Variants in PIEZO2 observed in about 807,000 individuals in gnomAD.
PIEZO2 encodes the protein piezo-type mechanosensitive ion channel component 2.
PIEZO2 carries 172 observed loss-of-function variants against 337.3 expected under a neutral mutation model. The observed-to-expected ratio is 0.51, with a 90% CI of 0.45 to 0.58. PIEZO2 has a LOEUF of 0.58. Among genes scored for constraint, PIEZO2 ranks in the 20% least tolerant of loss-of-function variants. The pLI is 0.00. For synonymous variants in PIEZO2, 1,251 were observed against 1,228.5 expected (o/e 1.02, Z -0.38); for missense variants, 3,028 against 3,391.3 (o/e 0.89, Z 2.66).
intron 4 of PIEZO2, among the ~76,000 whole-genome samples, chr18:10,905,309 G>A (rs1390680903): frequency 2.0e-5 from 3 of 152,274 alleles, no homozygotes; most frequent in Non-Finnish European, 2.9e-5. Context: ...TTGGCCAGGC[G>A]TGGTGGTTCA....
intron 1 of PIEZO2, among the ~76,000 whole-genome samples, chr18:11,095,834 T>G (rs1415144885): frequency 6.6e-6 from 1 of 152,132 alleles, no homozygotes; most frequent in African/African-American, 2.4e-5. Flanking sequence ...AATGAATCAG[T>G]TTCCCCTTCC....
intron 52 of PIEZO2, 29 bp downstream of exon 52, chr18:10,680,170 T>C: frequency 1.3e-6 from 2 of 1,573,302 alleles, no homozygotes; most frequent in Non-Finnish European, 1.7e-6. Context: ...GGGAAAGGGA[T>C]AAATTATACA....
rs780302106 is a variant in PIEZO2 at position 10,748,158 on chromosome 18, T to C, written c.4424+313A>G. On this transcript the variant is annotated intron_variant, in intron 30 of 55. Transcript: ENST00000674853. The surrounding 1 kb of genome is among the most constrained non-coding windows in gnomAD (Gnocchi z 5.1). ...AACTCCAGACCAACGTGGCATATGT[T>C]GCTGTTTTGTCTGAGACCAGACTGA... 6.6e-6 allele frequency among the ~76,000 whole-genome samples: 1 copy of C among 152,146 alleles called. No homozygotes were observed. The highest frequency in any genetic ancestry group is 2.4e-5 in the African/African-American group (1 of 41,432).
chr18:10,906,331 C>CA (rs772507448), intron 4 of PIEZO2, among the ~76,000 whole-genome samples: 25 of 151,994 alleles, frequency 1.6e-4, no homozygotes, highest in Non-Finnish European at 3.4e-4. Flanking sequence ...CTGAGAATAT[C>CA]GTCTTTGCTT....
intron 1 of PIEZO2, among the ~76,000 whole-genome samples, chr18:11,098,854 T>C (rs944746876): frequency 2.6e-5 from 4 of 152,212 alleles, no homozygotes; most frequent in African/African-American, 7.2e-5. Flanking sequence ...CTGCAGTGCA[T>C]TGGTGCGATC....
At chr18:10,741,687 T>C (rs976092521) in intron 32 of PIEZO2, among the ~76,000 whole-genome samples, 1 of 152,184 alleles carries the variant, frequency 6.6e-6, no homozygotes, top group Non-Finnish European at 1.5e-5. Context: ...TTAGATATAA[T>C]CAATATATAT....
At chr18:11,133,207 A>G (rs148711007) in intron 1 of PIEZO2, among the ~76,000 whole-genome samples, 1 of 152,298 alleles carries the variant, frequency 6.6e-6, no homozygotes, top group African/African-American at 2.4e-5. Context: ...ATCATGTGAC[A>G]TAAGATTTAC....
At chr18:10,841,529 G>A (rs189281676) in intron 7 of PIEZO2, among the ~76,000 whole-genome samples, 34 of 152,324 alleles carry the variant, frequency 2.2e-4, no homozygotes, top group African/African-American at 7.7e-4. Context: ...CCAGAAGGCA[G>A]TGAGTTGATT....
intron 3 of PIEZO2, among the ~76,000 whole-genome samples, chr18:10,975,731 G>A (rs1284310512): frequency 1.3e-5 from 2 of 152,174 alleles, no homozygotes; most frequent in Admixed American, 6.5e-5. Context: ...TAATGAGGGT[G>A]AGGGTATGCA....
At chr18:10,901,135 T>C (rs565076543) in intron 4 of PIEZO2, among the ~76,000 whole-genome samples, 11 of 152,324 alleles carry the variant, frequency 7.2e-5, no homozygotes, top group African/African-American at 2.6e-4. Context: ...TGCCGAAGGA[T>C]GGTGGTGGGC....
intron 1 of PIEZO2, among the ~76,000 whole-genome samples, chr18:11,095,440 G>A (rs1246224173): frequency 2.6e-5 from 4 of 152,164 alleles, no homozygotes; most frequent in Non-Finnish European, 5.9e-5. Context: ...CATTTGCAAC[G>A]TGAAGCGAGT....
At chr18:10,734,829 C>A (rs2036934109) in intron 35 of PIEZO2, among the ~76,000 whole-genome samples, 2 of 152,108 alleles carry the variant, frequency 1.3e-5, no homozygotes, top group Non-Finnish European at 2.9e-5. Flanking sequence ...TAAAAGACAT[C>A]TTTTATTAGC....
chr18:10,821,844 G>T lies in PIEZO2; in HGVS notation c.918-14570C>A, dbSNP rs1031074907. 6.6e-6 allele frequency among the ~76,000 whole-genome samples: 1 copy of T among 152,120 alleles called. No individual in the cohort carries two copies. Among genetic ancestry groups the T allele is most frequent in the African/African-American group, 2.4e-5 (1 of 41,418 alleles). ...GCAGAGAATCTCAGGAAAACTCCTT[G>T]TTCTCTTTTTACTTTCTTTTTATAT... On this transcript the variant is annotated intron_variant, in intron 7 of 55. Coordinates refer to ENST00000674853, the MANE Select transcript of PIEZO2 (RefSeq NM_001378183.1). This position sits in a 1 kb window ranked among gnomAD's most constrained non-coding sequence, Gnocchi z 4.2.
chr18:10,931,383 T>C (rs2032074143), intron 3 of PIEZO2, among the ~76,000 whole-genome samples: 1 of 152,046 alleles, frequency 6.6e-6, no homozygotes, highest in Non-Finnish European at 1.5e-5. Flanking sequence ...GTATTTTTAG[T>C]AGAGACAGGG....
chr18:11,036,492 G>A (rs376135376), intron 2 of PIEZO2, among the ~76,000 whole-genome samples: 1 of 151,874 alleles, frequency 6.6e-6, no homozygotes, highest in Non-Finnish European at 1.5e-5. Context: ...ATCTTTATTC[G>A]TATGCTGTGC....
At chr18:10,823,116 A>G (rs1301773056) in intron 7 of PIEZO2, among the ~76,000 whole-genome samples, 2 of 152,216 alleles carry the variant, frequency 1.3e-5, no homozygotes, top group East Asian at 1.9e-4. Context: ...ATTATAAGGT[A>G]CCGAATAGGT....
At chr18:10,708,698 AAG>A (rs2035691008) in intron 39 of PIEZO2, among the ~76,000 whole-genome samples, 1 of 152,232 alleles carries the variant, frequency 6.6e-6, no homozygotes, top group African/African-American at 2.4e-5. Flanking sequence ...GGGTGGGACT[AAG>A]AAACAGAAAA....
chr18:10,727,015 C>G lies in PIEZO2; in HGVS notation c.5029+4392G>C. The stretch of plus-strand genomic sequence containing the variant: ...CCCCCAGAACATGAAGCTGTTTGCT[C>G]TGTGCTTCCACGGTCTGGGTGTTTC... On this transcript the variant is annotated intron_variant, in intron 36 of 55. Coordinates refer to ENST00000674853, the MANE Select transcript of PIEZO2 (RefSeq NM_001378183.1). The surrounding 1 kb of genome is among the most constrained non-coding windows in gnomAD (Gnocchi z 6.3). 1 of 858,344 alleles carries G rather than the reference C, an allele frequency of 1.2e-6. No homozygotes were observed. Among genetic ancestry groups the G allele is most frequent in the Non-Finnish European group, 1.8e-6 (1 of 568,742 alleles). 53.2% of individuals were successfully genotyped at this position (858,344 alleles called of 1,614,324 possible).
chr18:11,043,963 G>A (rs998326915), intron 2 of PIEZO2, among the ~76,000 whole-genome samples: 3 of 152,018 alleles, frequency 2.0e-5, no homozygotes, highest in Non-Finnish European at 4.4e-5. Flanking sequence ...TTGAGCCACC[G>A]TGTCTGGCTG....
Sources: allele counts gnomAD v4.1 joint callset (sites outside exome capture counted in the v4.1 genomes callset), GRCh38; gene constraint gnomAD v4.1.1; non-coding constraint Gnocchi (gnomAD v3.1); transcripts MANE v1.5; gene names NCBI Gene and HGNC (gene_info 2026-07-23, HGNC 2026-07-21).